The following THSD7A variants were observed in gnomAD, a reference collection of about 807,000 sequenced individuals.
THSD7A encodes the protein thrombospondin type 1 domain containing 7A, also known as thrombospondin type-1 domain-containing protein 7A.
A neutral mutation model predicts 231.3 loss-of-function variants in THSD7A; 96 were observed. That is an observed-to-expected ratio of 0.41 (90% confidence interval 0.35 to 0.49). The LOEUF is 0.49. THSD7A is among the 20% of genes least tolerant of loss of function. The probability of loss-of-function intolerance (pLI) is 0.05; values close to 1 mark genes in which losing one functional copy is unlikely to be tolerated. For synonymous variants in THSD7A, 940 were observed against 743.3 expected (o/e 1.26, Z -4.30); for missense variants, 2,290 against 2,070.2 (o/e 1.11, Z -2.06).
chr7:11,770,031 C>T (rs1029895031), intron 1 of THSD7A, among the ~76,000 whole-genome samples: 1 of 151,942 alleles, frequency 6.6e-6, no homozygotes, highest in African/African-American at 2.4e-5. Context: ...GTGATTCATA[C>T]CACTATTCCA....
At chr7:11,810,972 C>T (rs1215640979) in intron 1 of THSD7A, among the ~76,000 whole-genome samples, 1 of 152,138 alleles carries the variant, frequency 6.6e-6, no homozygotes, top group African/African-American at 2.4e-5. Flanking sequence ...CCCAGAATTT[C>T]CTCATTGTTC....
intron 13 of THSD7A, among the ~76,000 whole-genome samples, chr7:11,436,603 A>C (rs1046625162): frequency 1.9e-4 from 29 of 152,060 alleles, no homozygotes; most frequent in Non-Finnish European, 3.7e-4. Context: ...AATAGATCTA[A>C]ATAGATTATA....
rs182267547 is a variant in THSD7A at position 11,629,622 on chromosome 7, C to T, written c.1022+6508G>A. On this transcript the variant is annotated intron_variant, in intron 2 of 27. Transcript: ENST00000423059. ...ATTTTACTGATTCACAAAGTCGTAG[C>T]GTGGGGATGGGCCCTCAGGAACCAT... Among the ~76,000 whole-genome samples the T allele has an allele frequency of 9.7e-4, 147 of 152,196 alleles. 1 individual carries two copies. In the East Asian group the frequency reaches 0.021, roughly 22 times the overall value.
Position 11,501,920 on chromosome 7 carries a change from C to A in THSD7A, c.1823-19938G>T, listed in dbSNP as rs181524529. On this transcript the variant is annotated intron_variant, in intron 6 of 27. Transcript: ENST00000423059. ...ATAGAAGAGAGAAAAGCCAAATAAA[C>A]CCAATTAGAAATGATGAAGGGAATG... is the stretch of plus-strand genomic sequence containing the variant. 7.0e-4 allele frequency among the ~76,000 whole-genome samples: 106 copies of A among 152,000 alleles called. 2 individuals are homozygous for A. In the East Asian group the frequency reaches 0.019, roughly 27 times the overall value.
At chr7:11,802,947 C>A (rs1784315175) in intron 1 of THSD7A, among the ~76,000 whole-genome samples, 1 of 152,050 alleles carries the variant, frequency 6.6e-6, no homozygotes, top group South Asian at 2.1e-4. Flanking sequence ...AATATAGATA[C>A]TAGTCAAATA....
At position 11,482,120 on chromosome 7, in the gene THSD7A, T is replaced by C. The variant is rs1786452958; in HGVS notation, c.1823-138A>G. ...AAAAAAACGTAGCCAAAAGAGGGAT[T>C]GCCTACTATAGCCAGATGTTAATAG... On this transcript the variant is annotated intron_variant, in intron 6 of 27. Coordinates refer to ENST00000423059, the MANE Select transcript of THSD7A (RefSeq NM_015204.3). 4 of 863,826 alleles carry C rather than the reference T, an allele frequency of 4.6e-6. No individual in the cohort carries two copies. In the Admixed American group the frequency reaches 1.2e-4, roughly 25 times the overall value. The allele number at this position is 863,826 out of a possible 1,614,324, so 53.5% of individuals were successfully genotyped here.
rs1269862487 is a variant in THSD7A at position 11,685,522 on chromosome 7, C to T, written c.191-48561G>A. On this transcript the variant is annotated intron_variant, in intron 1 of 27. Coordinates refer to ENST00000423059, the MANE Select transcript of THSD7A (RefSeq NM_015204.3). ...GAGTCTGCAAGGAACTTAAACAAATCAAGAGGAAATAAATAACTCTATTAT... is the reference window on the plus strand; with the variant it reads ...GAGTCTGCAAGGAACTTAAACAAATTAAGAGGAAATAAATAACTCTATTAT... Among the ~76,000 whole-genome samples the T allele has an allele frequency of 3.3e-5, 5 of 151,392 alleles. 1 individual carries two copies. The highest frequency in any genetic ancestry group is 1.2e-4 in the African/African-American group (5 of 41,318).
chr7:11,446,665 A>C lies in THSD7A; in HGVS notation c.2801-341T>G, dbSNP rs189020586. On this transcript the variant is annotated intron_variant, in intron 12 of 27. Coordinates refer to ENST00000423059, the MANE Select transcript of THSD7A (RefSeq NM_015204.3). The surrounding 1 kb of genome is among the most constrained non-coding windows in gnomAD (Gnocchi z 4.0). Reference sequence around the variant, plus strand: ...TCATTACATAGGTGGTTCATTTTTTAACTTAAATTCTGAGTACTCTACTAG... The same window carrying C: ...TCATTACATAGGTGGTTCATTTTTTCACTTAAATTCTGAGTACTCTACTAG... Among the ~76,000 whole-genome samples, 8 of 152,184 alleles carry C rather than the reference A, an allele frequency of 5.3e-5. No homozygotes were observed. Among genetic ancestry groups the C allele is most frequent in the Admixed American group, 2.0e-4 (3 of 15,274 alleles).
intron 4 of THSD7A, among the ~76,000 whole-genome samples, chr7:11,584,961 C>A (rs1791332923): frequency 6.6e-6 from 1 of 151,982 alleles, no homozygotes; most frequent in African/African-American, 2.4e-5. Context: ...AATTTTCAGA[C>A]AAATTAAAAG....
chr7:11,694,945 A>T (rs1239422218), intron 1 of THSD7A, among the ~76,000 whole-genome samples: 2 of 151,554 alleles, frequency 1.3e-5, no homozygotes, highest in African/African-American at 4.8e-5. Flanking sequence ...AGCCTGAGGT[A>T]AAGAATTGAA....
chr7:11,716,354 T>C (rs1781137094), intron 1 of THSD7A, among the ~76,000 whole-genome samples: 2 of 151,542 alleles, frequency 1.3e-5, no homozygotes, highest in South Asian at 4.1e-4. Context: ...GAAGTAGAGA[T>C]TAATAGGTAA....
intron 3 of THSD7A, among the ~76,000 whole-genome samples, chr7:11,591,329 C>A (rs1045584001): frequency 1.3e-5 from 2 of 151,840 alleles, no homozygotes; most frequent in Non-Finnish European, 2.9e-5. Flanking sequence ...CAGTCCAACA[C>A]GTGATTGAAG....
chr7:11,459,040 G>C (rs1231657314), intron 11 of THSD7A, among the ~76,000 whole-genome samples: 1 of 152,118 alleles, frequency 6.6e-6, no homozygotes, highest in African/African-American at 2.4e-5. Flanking sequence ...CACTTGTGCT[G>C]CTTCTACTGA....
intron 1 of THSD7A, among the ~76,000 whole-genome samples, chr7:11,812,253 T>A (rs574639258): frequency 6.6e-6 from 1 of 152,180 alleles, no homozygotes; most frequent in East Asian, 1.9e-4. Context: ...GTGTTCAATT[T>A]AAACTCCTGC....
At chr7:11,693,486 T>C (rs1780295789) in intron 1 of THSD7A, among the ~76,000 whole-genome samples, 1 of 151,480 alleles carries the variant, frequency 6.6e-6, no homozygotes, top group South Asian at 2.1e-4. Flanking sequence ...AGCCAGAAAA[T>C]GGTAGAGGTG....
chr7:11,565,480 G>A (rs964069259), intron 4 of THSD7A, among the ~76,000 whole-genome samples: 5 of 152,180 alleles, frequency 3.3e-5, no homozygotes, highest in African/African-American at 1.2e-4. Context: ...AGGAACACAA[G>A]GTTACCTGTT....
At chr7:11,617,198 T>C (rs952611697) in intron 2 of THSD7A, among the ~76,000 whole-genome samples, 5 of 152,202 alleles carry the variant, frequency 3.3e-5, no homozygotes, top group African/African-American at 1.2e-4. Flanking sequence ...TATAAGCTTA[T>C]GTTCTCAACA....
At chr7:11,490,919 A>T (rs1168546339) in intron 6 of THSD7A, among the ~76,000 whole-genome samples, 1 of 152,100 alleles carries the variant, frequency 6.6e-6, no homozygotes, top group Non-Finnish European at 1.5e-5. Flanking sequence ...ATTGGCACAT[A>T]AAGTTTGTTC....
At chr7:11,820,430 T>C in intron 1 of THSD7A, 1 of 1,324,536 alleles carries the variant, frequency 7.5e-7, no homozygotes, top group Non-Finnish European at 1.0e-6. Context: ...CACTTGGGGC[T>C]GGTGCTTGAT....
Sources: allele counts gnomAD v4.1 joint callset (sites outside exome capture counted in the v4.1 genomes callset), GRCh38; gene constraint gnomAD v4.1.1; non-coding constraint Gnocchi (gnomAD v3.1); transcripts MANE v1.5; gene names NCBI Gene and HGNC (gene_info 2026-07-23, HGNC 2026-07-21).